Variants in MYO16 observed in about 807,000 individuals in gnomAD.
MYO16 encodes unconventional myosin-XVI.
In MYO16, 94 loss-of-function variants were observed where a neutral mutation model predicts 205.3. The observed-to-expected ratio is 0.46, with a 90% CI of 0.39 to 0.54. MYO16 has a LOEUF of 0.54. Among genes scored for constraint, MYO16 ranks in the 20% least tolerant of loss-of-function variants. The pLI, the probability that MYO16 is intolerant of heterozygous loss-of-function variation, is 0.00. For synonymous variants in MYO16, 988 were observed against 954.0 expected (o/e 1.04, Z -0.66); for missense variants, 2,315 against 2,387.5 (o/e 0.97, Z 0.63).
chr13:108,950,875 T>C (rs1036284814), intron 16 of MYO16, among the ~76,000 whole-genome samples: 1 of 152,164 alleles, frequency 6.6e-6, no homozygotes, highest in Non-Finnish European at 1.5e-5. Context: ...AGTGGAACAG[T>C]TTAGCCGTAC....
the MYO16 span, among the ~76,000 whole-genome samples, chr13:108,517,437 A>G: frequency 3.3e-5 from 5 of 152,210 alleles, no homozygotes; most frequent in Non-Finnish European, 5.9e-5. Context: ...GGAGAGTTGT[A>G]CGCCCTGCTG....
At chr13:109,186,549 G>C (rs1213722670) in intron 34 of MYO16, among the ~76,000 whole-genome samples, 1 of 152,144 alleles carries the variant, frequency 6.6e-6, no homozygotes, top group Non-Finnish European at 1.5e-5. Flanking sequence ...TAGAGGGCTA[G>C]AAGTTACAGC....
At chr13:109,052,252 A>C (rs1256974550) in intron 24 of MYO16, 48 bp from the exon 25 acceptor site, 13 of 1,500,778 alleles carry the variant, frequency 8.7e-6, no homozygotes, top group Non-Finnish European at 1.1e-5. Context: ...TCAATGCTTA[A>C]GTAATAATTT....
chr13:108,498,315 G>C, the MYO16 span, among the ~76,000 whole-genome samples: 1 of 152,112 alleles, frequency 6.6e-6, no homozygotes, highest in Non-Finnish European at 1.5e-5. Flanking sequence ...AGAAGACTTA[G>C]GTAATTTTTT....
intron 15 of MYO16, among the ~76,000 whole-genome samples, chr13:108,902,385 G>A (rs1880753419): frequency 6.6e-6 from 1 of 152,236 alleles, no homozygotes; most frequent in Non-Finnish European, 1.5e-5. Flanking sequence ...GTCTCCCAGA[G>A]TAGCTTAATA....
intron 12 of MYO16, among the ~76,000 whole-genome samples, chr13:108,870,252 A>C (rs1354944287): frequency 1.3e-5 from 2 of 151,858 alleles, no homozygotes; most frequent in Non-Finnish European, 2.9e-5. Flanking sequence ...CCTACCTTAC[A>C]TTTTGATGTT....
intron 14 of MYO16, among the ~76,000 whole-genome samples, chr13:108,890,038 C>G (rs535988973): frequency 6.6e-6 from 1 of 152,012 alleles, no homozygotes; most frequent in Non-Finnish European, 1.5e-5. Flanking sequence ...CTCAAGTGAT[C>G]CTCCCACCTC....
chr13:108,592,160 T>G (rs2139285390), upstream of MYO16, among the ~76,000 whole-genome samples: 1 of 43,542 alleles, frequency 2.3e-5, no homozygotes, highest in Non-Finnish European at 4.1e-5. Flanking sequence ...GGAGTGTGTT[T>G]GGGGTATGGA....
At chr13:108,603,566 T>C (rs1878843917) in intron 1 of MYO16, among the ~76,000 whole-genome samples, 1 of 152,186 alleles carries the variant, frequency 6.6e-6, no homozygotes, top group African/African-American at 2.4e-5. Flanking sequence ...AAGCTACTTT[T>C]TTTTCTTTCA....
At chr13:108,617,619 G>A (rs1196712830) in intron 1 of MYO16, among the ~76,000 whole-genome samples, 1 of 152,114 alleles carries the variant, frequency 6.6e-6, no homozygotes, top group Non-Finnish European at 1.5e-5. Context: ...CTGCCTGATA[G>A]TACAGTCTCC....
chr13:108,671,058 A>C (rs1035625151), intron 2 of MYO16, among the ~76,000 whole-genome samples: 1 of 152,238 alleles, frequency 6.6e-6, no homozygotes, highest in African/African-American at 2.4e-5. Flanking sequence ...AATTCAAAAG[A>C]AGCAGAGAGT....
At chr13:108,534,720 A>T in the MYO16 span, among the ~76,000 whole-genome samples, 15 of 151,944 alleles carry the variant, frequency 9.9e-5, no homozygotes, top group Middle Eastern at 0.014. Flanking sequence ...GTAATACCTG[A>T]CAGTTCCTTA....
rs546302486 is a variant in MYO16 at position 108,751,981 on chromosome 13, T to C, written c.507+24398T>C. Among the ~76,000 whole-genome samples the C allele has an allele frequency of 3.9e-5, 6 of 152,240 alleles. No homozygotes were observed. The East Asian group carries it at 7.7e-4, about 20-fold the overall frequency. ...ATATAAGATGTAAACCTAGAGGGAT[T>C]TGCATGTAGTGAACACTTCAGTTCA... On this transcript the variant is annotated intron_variant, in intron 4 of 34. Coordinates refer to ENST00000457511, the MANE Select transcript of MYO16 (RefSeq NM_001198950.3).
chr13:108,861,778 G>T (rs1157035227), intron 11 of MYO16, among the ~76,000 whole-genome samples: 1 of 152,058 alleles, frequency 6.6e-6, no homozygotes, highest in Non-Finnish European at 1.5e-5. Context: ...CAGTTATAGT[G>T]CCATTAAAAT....
chr13:108,687,817 T>C (rs1365034640), intron 2 of MYO16, among the ~76,000 whole-genome samples: 3 of 152,194 alleles, frequency 2.0e-5, no homozygotes, highest in African/African-American at 7.2e-5. Context: ...AAGTACATTA[T>C]CTAAAACGAG....
intron 22 of MYO16, among the ~76,000 whole-genome samples, chr13:109,012,728 G>A (rs1181562543): frequency 6.6e-6 from 1 of 151,530 alleles, no homozygotes; most frequent in Non-Finnish European, 1.5e-5. Flanking sequence ...GATTTAAGCA[G>A]CCTTTGCTCT....
At chr13:108,577,189 G>C in the MYO16 span, among the ~76,000 whole-genome samples, 143,313 of 152,282 alleles carry the variant, frequency 0.94, 67,954 homozygotes, top group East Asian at 1. Context: ...TAACTTTTAA[G>C]AGCTATACAA....
At chr13:108,891,128 T>C (rs1193283866) in intron 14 of MYO16, among the ~76,000 whole-genome samples, 1 of 152,228 alleles carries the variant, frequency 6.6e-6, no homozygotes, top group Non-Finnish European at 1.5e-5. Context: ...ACCCCCAGTT[T>C]CCTAAGTTAA....
At chr13:108,776,724 C>T (rs1886135366) in intron 4 of MYO16, among the ~76,000 whole-genome samples, 1 of 152,170 alleles carries the variant, frequency 6.6e-6, no homozygotes, top group Non-Finnish European at 1.5e-5. Context: ...TGATACAGAG[C>T]TATCCTTGCA....
Sources: gnomAD v4.1 joint callset for allele counts (sites outside exome capture counted in the v4.1 genomes callset) on GRCh38, gnomAD v4.1.1 for gene constraint, MANE v1.5 for transcripts, NCBI Gene and HGNC (gene_info 2026-07-23, HGNC 2026-07-21) for gene names.